The following ASXL1 variants were observed in gnomAD, a reference collection of about 807,000 sequenced individuals.
ASXL1 encodes ASXL transcriptional regulator 1.
A neutral mutation model predicts 89.1 loss-of-function variants in ASXL1; 65 were observed. That is an observed-to-expected ratio of 0.73 (90% CI 0.60 to 0.90). The LOEUF is 0.90. Ranked by LOEUF, ASXL1 falls within the 40% of genes least tolerant of loss-of-function variation. ASXL1 has a pLI of 0.00. For missense variants in ASXL1, 1,786 were observed against 1,942.9 expected (o/e 0.92, Z 1.52); for synonymous variants, 739 against 746.9 (o/e 0.99, Z 0.17).
At chr20:32,387,386 A>G (rs2048597774) in intron 4 of ASXL1, among the ~76,000 whole-genome samples, 1 of 152,212 alleles carries the variant, frequency 6.6e-6, no homozygotes, top group Admixed American at 6.5e-5. Flanking sequence ...AGCCTTACTC[A>G]GATGCCTGCT....
In ASXL1 at chr20:32,435,941, C is replaced by T. The variant is rs1161902700; in HGVS notation, c.3229C>T (p.Pro1077Ser). The change falls in exon 13 of 13, where the codon CCA becomes TCA. Residue 1077 changes from proline to serine, a missense_variant. Around this residue, in one of 3 missense-constraint regions of ASXL1, gnomAD observed 1,418 missense variants for 1,427.8 expected, o/e 0.99. Transcript: ENST00000375687. ...SRVCAVRQKI[P>S]DSLLLASTEY... ...AGTATGTGCGGTCCGCCAAAAGATC[C>T]CAGATTCCCTACTGCTGGCCAGTAC... The T allele has an allele frequency of 6.2e-7, 1 of 1,614,136 alleles. No homozygotes were observed. The highest frequency in any genetic ancestry group is 8.5e-7 in the Non-Finnish European group (1 of 1,180,018).
Position 32,429,496 on chromosome 20 carries a change from C to T in ASXL1, c.565+65C>T. 1 of 1,522,712 alleles carries T rather than the reference C, an allele frequency of 6.6e-7. No homozygotes were observed. Among genetic ancestry groups the T allele is most frequent in the Non-Finnish European group, 9.1e-7 (1 of 1,098,038 alleles). 94.3% of individuals were successfully genotyped at this position (1,522,712 alleles called of 1,614,324 possible). On this transcript the variant is annotated intron_variant, in intron 7 of 12. Transcript: ENST00000375687. This position sits in a 1 kb window ranked among gnomAD's most constrained non-coding sequence, Gnocchi z 4.9. Reference sequence around the variant, plus strand: ...TCCTGGGGACCTGGCCTCCCTCTGTCAGCAGTTTCTGACCTAATAGTGCGA... The same window carrying T: ...TCCTGGGGACCTGGCCTCCCTCTGTTAGCAGTTTCTGACCTAATAGTGCGA...
chr20:32,378,855 C>T (rs532459521), intron 4 of ASXL1, among the ~76,000 whole-genome samples: 5 of 151,900 alleles, frequency 3.3e-5, no homozygotes, highest in Admixed American at 6.6e-5. Flanking sequence ...AGGCCAGGCT[C>T]GGTGGCTCAT....
At chr20:32,378,096 C>T (rs2048419087) in intron 4 of ASXL1, among the ~76,000 whole-genome samples, 1 of 147,218 alleles carries the variant, frequency 6.8e-6, no homozygotes, top group South Asian at 2.2e-4. Context: ...CTCAAATGAT[C>T]CTCCCACTTT....
intron 4 of ASXL1, among the ~76,000 whole-genome samples, chr20:32,388,168 TTTTA>T (rs551070584): frequency 1.3e-5 from 2 of 151,946 alleles, no homozygotes; most frequent in Non-Finnish European, 2.9e-5. Context: ...CGAAGATATA[TTTTA>T]TTTATTTATT....
At chr20:32,384,111 G>T (rs1316062861) in intron 4 of ASXL1, among the ~76,000 whole-genome samples, 1 of 150,228 alleles carries the variant, frequency 6.7e-6, no homozygotes, top group East Asian at 2.0e-4. Flanking sequence ...TGCAAACCTT[G>T]TTCCACTGTG....
chr20:32,378,135 GC>G (rs1451651647), intron 4 of ASXL1, among the ~76,000 whole-genome samples: 1 of 144,060 alleles, frequency 6.9e-6, no homozygotes, highest in African/African-American at 2.6e-5. Context: ...GACTACAGGT[GC>G]GTGCCACTGT....
intron 4 of ASXL1, among the ~76,000 whole-genome samples, chr20:32,371,330 G>A (rs1356142899): frequency 1.3e-5 from 2 of 151,932 alleles, no homozygotes; most frequent in African/African-American, 4.8e-5. Flanking sequence ...CTGTCACCTG[G>A]GCTGGAGTGC....
intron 4 of ASXL1, 64 bp from the exon 5 acceptor site, chr20:32,428,064 A>G: frequency 1.2e-6 from 2 of 1,606,382 alleles, no homozygotes; most frequent in African/African-American, 2.7e-5. Flanking sequence ...ACATTTAGGA[A>G]TGACTGCCTT....
At chr20:32,396,088 C>T (rs563936857) in intron 4 of ASXL1, among the ~76,000 whole-genome samples, 2 of 152,294 alleles carry the variant, frequency 1.3e-5, no homozygotes, top group East Asian at 3.9e-4. Flanking sequence ...AATGAGCGAC[C>T]ACACCTGGTT....
intron 4 of ASXL1, among the ~76,000 whole-genome samples, chr20:32,369,810 C>T (rs1414145436): frequency 2.0e-5 from 3 of 150,176 alleles, no homozygotes; most frequent in East Asian, 2.0e-4. Flanking sequence ...CTCATTGCAC[C>T]CTCCACCTCC....
intron 1 of ASXL1, among the ~76,000 whole-genome samples, chr20:32,363,312 A>G (rs1191878009): frequency 6.6e-6 from 1 of 152,150 alleles, no homozygotes; most frequent in African/African-American, 2.4e-5. Flanking sequence ...TTTAATTAGT[A>G]TCAAAGAAAT....
chr20:32,367,511 C>G (rs1256291068), intron 2 of ASXL1, among the ~76,000 whole-genome samples: 1 of 152,140 alleles, frequency 6.6e-6, no homozygotes, highest in Non-Finnish European at 1.5e-5. Flanking sequence ...TTTAATTGAC[C>G]TTTTAGGGTC....
chr20:32,395,855 G>A (rs1845443121), intron 4 of ASXL1, among the ~76,000 whole-genome samples: 1 of 152,102 alleles, frequency 6.6e-6, no homozygotes, highest in South Asian at 2.1e-4. Flanking sequence ...CTGAAGTGCA[G>A]TGGCATGATC....
chr20:32,408,576 C>A (rs970090138), intron 4 of ASXL1, among the ~76,000 whole-genome samples: 2 of 152,064 alleles, frequency 1.3e-5, no homozygotes, highest in African/African-American at 4.8e-5. Context: ...TTTTTAGAGA[C>A]AAGGTCTTGC....
chr20:32,372,397 C>G, intron 4 of ASXL1: 1 of 1,122,424 alleles, frequency 8.9e-7, no homozygotes, highest in Non-Finnish European at 1.1e-6. Flanking sequence ...CATCACTTCT[C>G]TGATATTCGT....
At chr20:32,413,489 G>A (rs2049084412) in intron 4 of ASXL1, among the ~76,000 whole-genome samples, 1 of 152,138 alleles carries the variant, frequency 6.6e-6, no homozygotes, top group Admixed American at 6.6e-5. Flanking sequence ...ATGAAACCCA[G>A]TGCTATTAAC....
chr20:32,412,064 T>C (rs922431985), intron 4 of ASXL1, among the ~76,000 whole-genome samples: 1 of 152,190 alleles, frequency 6.6e-6, no homozygotes, highest in Admixed American at 6.6e-5. Flanking sequence ...AATCATCCAT[T>C]TTCCTGGGGA....
At chr20:32,372,745 C>T (rs2048319034) in intron 4 of ASXL1, among the ~76,000 whole-genome samples, 1 of 151,792 alleles carries the variant, frequency 6.6e-6, no homozygotes, top group Non-Finnish European at 1.5e-5. Context: ...CAGGCGTGCA[C>T]CACCATACCT....
Sources: allele counts gnomAD v4.1 joint callset (sites outside exome capture counted in the v4.1 genomes callset), GRCh38; gene constraint gnomAD v4.1.1; regional missense constraint gnomAD v4.1.1; non-coding constraint Gnocchi (gnomAD v3.1); transcripts MANE v1.5; gene names NCBI Gene and HGNC (gene_info 2026-07-23, HGNC 2026-07-21).